OXR1: variants seen among roughly 807,000 people sequenced by gnomAD.
OXR1 encodes oxidation resistance protein 1.
A neutral mutation model predicts 104.6 loss-of-function variants in OXR1; 41 were observed. That is an observed-to-expected ratio of 0.39 (90% confidence interval 0.31 to 0.51). The LOEUF (loss-of-function observed/expected upper bound fraction) is 0.51, where lower values mean the gene tolerates loss of function less well. OXR1 is among the 20% of genes least tolerant of loss of function. The pLI, the probability that OXR1 is intolerant of heterozygous loss-of-function variation, is 0.77. For synonymous variants in OXR1, 348 were observed against 348.4 expected (o/e 1.00, Z 0.01); for missense variants, 955 against 1,031.9 (o/e 0.93, Z 1.02).
chr8:106,645,989 C>A (rs1366470767), intron 3 of OXR1, among the ~76,000 whole-genome samples: 2 of 152,062 alleles, frequency 1.3e-5, no homozygotes, highest in African/African-American at 4.8e-5. Flanking sequence ...GAAGGAACAA[C>A]AACAACAAAA....
rs570992923 is a variant in OXR1, at chr8:106,577,638, C to T, written c.220+58499C>T. On this transcript the variant is annotated intron_variant, in intron 3 of 16. Transcript: ENST00000517566. ...CTCCTGACCTGAGGTGATCCACCTT[C>T]CTCGGCTTCCCAAAGTGCTGGGATT... 7.0e-4 allele frequency among the ~76,000 whole-genome samples: 106 copies of T among 152,174 alleles called. 1 individual carries two copies. The highest frequency in any genetic ancestry group is 2.3e-3 in the African/African-American group (97 of 41,526).
At chr8:106,687,445 G>T (rs538692171) in intron 6 of OXR1, among the ~76,000 whole-genome samples, 2 of 152,102 alleles carry the variant, frequency 1.3e-5, no homozygotes, top group African/African-American at 4.8e-5. Context: ...TTTCTACCGG[G>T]CATAGTGGCT....
At chr8:106,629,571 A>G (rs1822490475) in intron 3 of OXR1, among the ~76,000 whole-genome samples, 1 of 152,226 alleles carries the variant, frequency 6.6e-6, no homozygotes, top group African/African-American at 2.4e-5. Context: ...TTCCATGTTC[A>G]GTAGCATAAT....
intron 2 of OXR1, among the ~76,000 whole-genome samples, chr8:106,416,667 T>A (rs1185961397): frequency 6.6e-6 from 1 of 152,074 alleles, no homozygotes; most frequent in Non-Finnish European, 1.5e-5. Flanking sequence ...GTATGTTTTG[T>A]GGAGTGTTCT....
chr8:106,337,492 A>G (rs1295006736), intron 1 of OXR1, among the ~76,000 whole-genome samples: 2 of 152,224 alleles, frequency 1.3e-5, no homozygotes, highest in Non-Finnish European at 2.9e-5. Flanking sequence ...TGGCCAGACG[A>G]GGATCACACA....
At chr8:106,398,511 G>C (rs146886501) in intron 2 of OXR1, among the ~76,000 whole-genome samples, 1 of 152,270 alleles carries the variant, frequency 6.6e-6, no homozygotes, top group Non-Finnish European at 1.5e-5. Flanking sequence ...GGAAATGAGT[G>C]AGTCAGTGAT....
At chr8:106,344,313 C>T (rs1325398757) in intron 1 of OXR1, among the ~76,000 whole-genome samples, 1 of 147,866 alleles carries the variant, frequency 6.8e-6, no homozygotes, top group African/African-American at 2.5e-5. Flanking sequence ...TAGCTAGCCA[C>T]CGTTTTTTGT....
At chr8:106,722,213 A>G (rs895297636) in intron 11 of OXR1, among the ~76,000 whole-genome samples, 1 of 152,200 alleles carries the variant, frequency 6.6e-6, no homozygotes, top group Non-Finnish European at 1.5e-5. Flanking sequence ...ATCTCTTCTC[A>G]GTCTAGCCAG....
chr8:106,572,547 A>G (rs367866086), intron 3 of OXR1, among the ~76,000 whole-genome samples: 3 of 152,166 alleles, frequency 2.0e-5, no homozygotes, highest in East Asian at 3.9e-4. Context: ...CCCAAGCCCT[A>G]CCTTTGATAT....
chr8:106,429,749 A>G lies in OXR1; in HGVS notation c.23+70113A>G, dbSNP rs115805076. On this transcript the variant is annotated intron_variant, in intron 2 of 16. Transcript: ENST00000517566. The stretch of plus-strand genomic sequence containing the variant: ...AGTTTTGGAGGGGTATTAGAAAAAT[A>G]TACAAATGTTATTTTTTTTTTCCTC... Among the ~76,000 whole-genome samples the G allele has an allele frequency of 4.1e-3, 616 of 152,058 alleles. 3 individuals are homozygous for G. Among genetic ancestry groups the G allele is most frequent in the African/African-American group, 0.014 (585 of 41,478 alleles).
chr8:106,745,694 T>A (rs1835335749), intron 15 of OXR1, 95 bp from the exon 16 acceptor site: 6 of 586,772 alleles, frequency 1.0e-5, no homozygotes, highest in Non-Finnish European at 1.8e-5. Context: ...ATACTGCCAG[T>A]CTTGGCTTTG....
At chr8:106,581,834 A>G (rs1208396515) in intron 3 of OXR1, among the ~76,000 whole-genome samples, 2 of 151,444 alleles carry the variant, frequency 1.3e-5, no homozygotes, top group Admixed American at 6.6e-5. Context: ...GACCAGCCTG[A>G]CCAACATGGA....
chr8:106,463,735 TA>T (rs1462880218), intron 2 of OXR1, among the ~76,000 whole-genome samples: 1 of 152,134 alleles, frequency 6.6e-6, no homozygotes, highest in African/African-American at 2.4e-5. Context: ...TAAACGAGCC[TA>T]TCCGTGAAGT....
chr8:106,525,226 G>C (rs914040393), intron 3 of OXR1, among the ~76,000 whole-genome samples: 1 of 152,188 alleles, frequency 6.6e-6, no homozygotes, highest in Non-Finnish European at 1.5e-5. Context: ...TGTGTGCCAG[G>C]ATCTTTAAGC....
chr8:106,595,875 G>T (rs891513313), intron 3 of OXR1, among the ~76,000 whole-genome samples: 1 of 152,144 alleles, frequency 6.6e-6, no homozygotes, highest in Non-Finnish European at 1.5e-5. Flanking sequence ...AGCATGTCTA[G>T]CTACAGGTGC....
intron 1 of OXR1, among the ~76,000 whole-genome samples, chr8:106,343,477 G>A (rs1328736110): frequency 1.3e-5 from 2 of 152,118 alleles, no homozygotes; most frequent in African/African-American, 4.8e-5. Flanking sequence ...TCTCAGGTTC[G>A]GTGTGATAGC....
At chr8:106,414,143 A>C (rs1818574249) in intron 2 of OXR1, among the ~76,000 whole-genome samples, 1 of 152,088 alleles carries the variant, frequency 6.6e-6, no homozygotes, top group Non-Finnish European at 1.5e-5. Flanking sequence ...GAGCTATGTA[A>C]AATTTCTGAA....
intron 1 of OXR1, among the ~76,000 whole-genome samples, chr8:106,310,281 A>T (rs1813645253): frequency 6.6e-6 from 1 of 151,796 alleles, no homozygotes; most frequent in East Asian, 1.9e-4. Context: ...AGAAATATAA[A>T]CAACTTCTCA....
intron 3 of OXR1, among the ~76,000 whole-genome samples, chr8:106,616,176 G>A (rs1377448070): frequency 2.0e-5 from 3 of 150,306 alleles, no homozygotes; most frequent in African/African-American, 7.3e-5. Context: ...TGAGTAGCTG[G>A]GACTACAGGT....
Sources: allele counts gnomAD v4.1 joint callset (sites outside exome capture counted in the v4.1 genomes callset), GRCh38; gene constraint gnomAD v4.1.1; transcripts MANE v1.5; gene names NCBI Gene and HGNC (gene_info 2026-07-23, HGNC 2026-07-21).